The following GRIA2 variants were observed in gnomAD, a reference collection of about 807,000 sequenced individuals.
GRIA2 encodes the protein glutamate ionotropic receptor AMPA type subunit 2.
Under a neutral mutation model 97.3 loss-of-function variants are expected in GRIA2, and 14 were observed. The observed-to-expected ratio is 0.14, with a 90% CI of 0.10 to 0.23. The LOEUF (loss-of-function observed/expected upper bound fraction) is 0.23. Ranked by LOEUF, GRIA2 falls within the 10% of genes least tolerant of loss-of-function variation. The pLI, the probability that GRIA2 is intolerant of heterozygous loss-of-function variation, is 1.00. For synonymous variants in GRIA2, 412 were observed against 387.8 expected, an observed-to-expected ratio of 1.06 and a Z score of -0.73; for missense variants, 558 against 1,069.8, an observed-to-expected ratio of 0.52 and a Z score of 6.67.
At chr4:157,298,858 A>G (rs1187345907) in intron 2 of GRIA2, among the ~76,000 whole-genome samples, 1 of 152,016 alleles carries the variant, frequency 6.6e-6, no homozygotes, top group Non-Finnish European at 1.5e-5. Context: ...GATAACTGGG[A>G]TAATAGTGAA....
chr4:157,227,850 C>A (rs910884053), intron 2 of GRIA2, among the ~76,000 whole-genome samples: 25 of 151,972 alleles, frequency 1.6e-4, no homozygotes, highest in Non-Finnish European at 3.2e-4. Flanking sequence ...AAATAAGTTG[C>A]TGAATTCAAT....
At chr4:157,232,143 G>C (rs1246471849) in intron 2 of GRIA2, among the ~76,000 whole-genome samples, 2 of 152,136 alleles carry the variant, frequency 1.3e-5, no homozygotes, top group African/African-American at 4.8e-5. Context: ...ATGCTAACTT[G>C]GAAAATTGAA....
chr4:157,331,959 C>G (rs181909172), intron 6 of GRIA2, among the ~76,000 whole-genome samples: 1 of 151,978 alleles, frequency 6.6e-6, no homozygotes, highest in African/African-American at 2.4e-5. Flanking sequence ...TCCCAAGCTT[C>G]GCCGTACTCT....
intron 2 of GRIA2, among the ~76,000 whole-genome samples, chr4:157,282,489 A>G (rs1455446199): frequency 2.6e-5 from 4 of 152,076 alleles, no homozygotes; most frequent in African/African-American, 9.7e-5. Flanking sequence ...GAATGAAGAA[A>G]ATAGTGTGGG....
intron 2 of GRIA2, among the ~76,000 whole-genome samples, chr4:157,236,064 T>G (rs1730232168): frequency 6.6e-6 from 1 of 152,032 alleles, no homozygotes; most frequent in Non-Finnish European, 1.5e-5. Flanking sequence ...AAATCATGAT[T>G]ATCTGAAAAA....
At chr4:157,273,338 A>G (rs1732121471) in intron 2 of GRIA2, among the ~76,000 whole-genome samples, 1 of 152,042 alleles carries the variant, frequency 6.6e-6, no homozygotes, top group African/African-American at 2.4e-5. Flanking sequence ...TGTCCAGAAA[A>G]ATACGAGGGA....
intron 4 of GRIA2, among the ~76,000 whole-genome samples, chr4:157,315,325 A>T (rs1387823307): frequency 6.6e-6 from 1 of 151,402 alleles, no homozygotes; most frequent in African/African-American, 2.4e-5. Context: ...TTAGATTGGG[A>T]TATTGTTCAA....
intron 6 of GRIA2, among the ~76,000 whole-genome samples, chr4:157,327,676 G>A (rs1734865258): frequency 1.3e-5 from 2 of 151,994 alleles, no homozygotes; most frequent in South Asian, 4.1e-4. Context: ...TGTGTCTTCA[G>A]TCTCCTACTG....
At chr4:157,293,147 C>A (rs1392069227) in intron 2 of GRIA2, among the ~76,000 whole-genome samples, 1 of 152,090 alleles carries the variant, frequency 6.6e-6, no homozygotes, top group Non-Finnish European at 1.5e-5. Flanking sequence ...AATTTGATAG[C>A]ATGGATAACC....
intron 12 of GRIA2, among the ~76,000 whole-genome samples, chr4:157,356,730 C>T (rs1438901874): frequency 1.3e-5 from 2 of 151,960 alleles, no homozygotes; most frequent in African/African-American, 2.4e-5. Context: ...CTTAGTTGAC[C>T]ACATGGTATT....
chr4:157,323,761 G>A (rs975386628), intron 6 of GRIA2, among the ~76,000 whole-genome samples: 5 of 152,128 alleles, frequency 3.3e-5, no homozygotes, highest in Non-Finnish European at 7.3e-5. Flanking sequence ...AGAGATGTTT[G>A]GCAATGCATT....
intron 3 of GRIA2, among the ~76,000 whole-genome samples, chr4:157,308,380 T>C (rs1413059713): frequency 6.6e-6 from 1 of 152,234 alleles, no homozygotes; most frequent in Non-Finnish European, 1.5e-5. Context: ...TTTTTTATTT[T>C]AGCAAAACAT....
chr4:157,327,877 T>A (rs1734875678), intron 6 of GRIA2, among the ~76,000 whole-genome samples: 1 of 152,082 alleles, frequency 6.6e-6, no homozygotes, highest in Non-Finnish European at 1.5e-5. Flanking sequence ...CAGTAATTAG[T>A]GTCATGCATT....
At chr4:157,238,078 C>T (rs1027812402) in intron 2 of GRIA2, among the ~76,000 whole-genome samples, 2 of 152,140 alleles carry the variant, frequency 1.3e-5, no homozygotes, top group African/African-American at 4.8e-5. Flanking sequence ...GCTTCATTAA[C>T]TAACACTGTA....
intron 2 of GRIA2, among the ~76,000 whole-genome samples, chr4:157,286,236 C>T (rs1473594043): frequency 6.6e-6 from 1 of 151,298 alleles, no homozygotes; most frequent in Non-Finnish European, 1.5e-5. Flanking sequence ...CCCAGTAATA[C>T]TTGTTTTTTA....
intron 2 of GRIA2, among the ~76,000 whole-genome samples, chr4:157,270,898 T>A (rs1245117919): frequency 6.6e-6 from 1 of 151,018 alleles, no homozygotes; most frequent in Non-Finnish European, 1.5e-5. Flanking sequence ...GTTAAAAAAA[T>A]ATTGTACATT....
chr4:157,306,119 T>C (rs992646854), intron 3 of GRIA2, among the ~76,000 whole-genome samples: 2 of 152,236 alleles, frequency 1.3e-5, no homozygotes, highest in African/African-American at 4.8e-5. Flanking sequence ...ACTAATTCTC[T>C]TTACACTTTG....
intron 2 of GRIA2, among the ~76,000 whole-genome samples, chr4:157,240,867 A>T (rs1352762469): frequency 2.6e-5 from 3 of 116,930 alleles, no homozygotes; most frequent in African/African-American, 6.6e-5. Flanking sequence ...CTCTCCCCCC[A>T]CCCCACAACA....
chr4:157,316,002 A>C (rs1262686022), intron 4 of GRIA2, among the ~76,000 whole-genome samples: 2 of 152,192 alleles, frequency 1.3e-5, no homozygotes, highest in Non-Finnish European at 2.9e-5. Flanking sequence ...TGGCCAGTGC[A>C]AATTTTTATA....
Sources: gnomAD v4.1 joint callset for allele counts (sites outside exome capture counted in the v4.1 genomes callset) on GRCh38, gnomAD v4.1.1 for gene constraint, MANE v1.5 for transcripts, NCBI Gene and HGNC (gene_info 2026-07-23, HGNC 2026-07-21) for gene names.